MRPL30: variants seen among roughly 807,000 people sequenced by gnomAD.
MRPL30 encodes the protein large ribosomal subunit protein uL30m.
Under a neutral mutation model 17.2 loss-of-function variants are expected in MRPL30, and 10 were observed. That is an observed-to-expected ratio of 0.58 (90% CI 0.36 to 0.99). MRPL30 has a LOEUF of 0.99. Ranked by LOEUF, MRPL30 falls within the 50% of genes least tolerant of loss-of-function variation. The pLI, the probability that MRPL30 is intolerant of heterozygous loss-of-function variation, is 0.01. For synonymous variants in MRPL30, 61 were observed against 62.1 expected, an observed-to-expected ratio of 0.98 and a Z score of 0.08; for missense variants, 170 against 189.8, an observed-to-expected ratio of 0.90 and a Z score of 0.61.
intron 3 of MRPL30, among the ~76,000 whole-genome samples, chr2:99,191,061 T>C (rs957674826): frequency 6.6e-6 from 1 of 151,512 alleles, no homozygotes; most frequent in African/African-American, 2.4e-5. Context: ...GGCTGGAGTG[T>C]GGTGGCGTGG....
At chr2:99,188,039 A>C in intron 2 of MRPL30, 138 bp from the exon 3 acceptor site, 1 of 586,836 alleles carries the variant, frequency 1.7e-6, no homozygotes, top group Non-Finnish European at 3.0e-6. Context: ...GGATGCGTTC[A>C]CTCAGCTAGG....
chr2:99,198,494 C>T lies in MRPL30; in HGVS notation c.*2789C>T, dbSNP rs960902624. Among the ~76,000 whole-genome samples the T allele has an allele frequency of 6.6e-6, 1 of 152,164 alleles. No homozygotes were observed. The highest frequency in any genetic ancestry group is 1.5e-5 in the Non-Finnish European group (1 of 68,040). On this transcript the variant is annotated 3_prime_UTR_variant, in exon 6 of 6. Transcript: ENST00000338148. Reference sequence around the variant, plus strand: ...ATCAAATAAATGCAATCATGTGCCTCGTGTCACCTTTTTTGCATTCCATTC... The same window carrying T: ...ATCAAATAAATGCAATCATGTGCCTTGTGTCACCTTTTTTGCATTCCATTC...
At position 99,197,927 on chromosome 2, in the gene MRPL30, A is replaced by C. The variant is rs1427380446; in HGVS notation, c.*2222A>C. 3.3e-5 allele frequency among the ~76,000 whole-genome samples: 5 copies of C among 152,260 alleles called. No individual in the cohort carries two copies. In the East Asian group the frequency reaches 9.7e-4, roughly 29 times the overall value. On this transcript the variant is annotated 3_prime_UTR_variant, in exon 6 of 6. Transcript: ENST00000338148. ...CCAAAGTGCTGGGAATACAGGTGTG[A>C]GCCACCATACCTGGCCTTACTGTAC...
intron 3 of MRPL30, 143 bp downstream of exon 3, chr2:99,188,400 AT>A: frequency 1.6e-6 from 1 of 642,170 alleles, no homozygotes; most frequent in Non-Finnish European, 2.7e-6. Context: ...GCATAGTGGG[AT>A]TTATGTGAAT....
At chr2:99,181,395 C>G (rs572682374) in intron 1 of MRPL30, 146 bp downstream of exon 1, 11 of 157,386 alleles carry the variant, frequency 7.0e-5, no homozygotes, top group Middle Eastern at 3.2e-3. Context: ...GATCCCGTCA[C>G]ATTGGCTCCC....
rs201869282 is a variant in MRPL30 at position 99,196,085 on chromosome 2, GAAA to G, written c.*389_*391del. 1.1e-5 allele frequency: 2 copies of G among 175,088 alleles called. No individual in the cohort carries two copies. Among genetic ancestry groups the G allele is most frequent in the Non-Finnish European group, 2.4e-5 (2 of 84,256 alleles). 10.8% of individuals were successfully genotyped at this position (175,088 alleles called of 1,614,324 possible). A position where few individuals can be genotyped will look rare whatever the true frequency, so the allele number is the denominator to read the frequency against. ...GATAGGATGAGACTCCATCTCAGGG[GAAA>G]AAAAAAAATTTTTTTTTCACTGACT... is the stretch of plus-strand genomic sequence containing the variant. On this transcript the variant is annotated 3_prime_UTR_variant, in exon 6 of 6. Transcript: ENST00000338148.
At chr2:99,185,078 C>CA (rs2093931794) in intron 1 of MRPL30, among the ~76,000 whole-genome samples, 1 of 152,136 alleles carries the variant, frequency 6.6e-6, no homozygotes. Context: ...CAGAGCAGTC[C>CA]AACATTAGAT....
In MRPL30 at chr2:99,195,925, A is replaced by G. The variant is rs954765854; in HGVS notation, c.*220A>G. Reference sequence around the variant, plus strand: ...GGAGAAACCCCCATCTCTACTGAAAATACAGAATTAGCCAGGCATGGTGGC... The same window carrying G: ...GGAGAAACCCCCATCTCTACTGAAAGTACAGAATTAGCCAGGCATGGTGGC... On this transcript the variant is annotated 3_prime_UTR_variant, in exon 6 of 6. Coordinates refer to ENST00000338148, the MANE Select transcript of MRPL30 (RefSeq NM_145212.4). 2.3e-6 allele frequency: 1 copy of G among 430,542 alleles called. No individual in the cohort carries two copies. Among genetic ancestry groups the G allele is most frequent in the Non-Finnish European group, 4.0e-6 (1 of 248,812 alleles). 26.7% of individuals were successfully genotyped at this position (430,542 alleles called of 1,614,324 possible).
intron 1 of MRPL30, among the ~76,000 whole-genome samples, chr2:99,182,688 T>TA (rs2105239923): frequency 6.6e-6 from 1 of 152,384 alleles, no homozygotes; most frequent in African/African-American, 2.4e-5. Flanking sequence ...AGACTCTGTC[T>TA]CTAAAAACTT....
At chr2:99,192,477 C>T (rs190122936) in intron 3 of MRPL30, among the ~76,000 whole-genome samples, 9 of 152,284 alleles carry the variant, frequency 5.9e-5, no homozygotes, top group Non-Finnish European at 1.2e-4. Context: ...TGAGTGAGAA[C>T]ATGCGGTATT....
chr2:99,188,735 T>G (rs1052967580), intron 3 of MRPL30, among the ~76,000 whole-genome samples: 7 of 152,162 alleles, frequency 4.6e-5, no homozygotes, highest in Non-Finnish European at 1.0e-4. Flanking sequence ...GAGTTTTGCT[T>G]TGTTGCCCAG....
intron 3 of MRPL30, among the ~76,000 whole-genome samples, chr2:99,190,081 T>C (rs920569769): frequency 2.6e-5 from 4 of 152,106 alleles, no homozygotes; most frequent in Non-Finnish European, 5.9e-5. Flanking sequence ...CCTATAATTG[T>C]GCCACTGCAC....
chr2:99,187,058 T>C (rs1444418651), intron 2 of MRPL30: 1 of 152,230 alleles, frequency 6.6e-6, no homozygotes, highest in Non-Finnish European at 1.5e-5. Flanking sequence ...CTCAGATTAA[T>C]CCTGTGAGGT....
Position 99,195,695 on chromosome 2 carries a change from A to G in MRPL30, c.476A>G (p.His159Arg), listed in dbSNP as rs770941810. 12 of 1,612,638 alleles carry G rather than the reference A, an allele frequency of 7.4e-6. No individual in the cohort carries two copies. In the South Asian group the frequency reaches 7.7e-5, roughly 10 times the overall value. ...WHLKPVEQKA[H>R]ES ...CTGAAACCTGTGGAGCAGAAAGCAC[A>G]TGAGTCCTAATGCCCCAGCAGCTTC... Residue 159 changes from histidine (H) to arginine (R), a missense_variant, in exon 6 of 6, where the codon CAT becomes CGT. Coordinates refer to ENST00000338148, the MANE Select transcript of MRPL30 (RefSeq NM_145212.4).
At position 99,186,212 on chromosome 2, in the gene MRPL30, G is replaced by T. The variant is rs769859524; in HGVS notation, c.9G>T (p.Gly3=). 8 of 1,614,086 alleles carry T rather than the reference G, an allele frequency of 5.0e-6. No individual in the cohort carries two copies. ...GAGCAATCACTACACTTATGGCTGG[G>T]ATTTTGCGCTTAGTAGTTCAATGGC... MA[G]ILRLVVQWPP... The change falls in exon 2 of 6, where the codon GGG becomes GGT. Residue 3 remains glycine, a synonymous_variant. Coordinates refer to ENST00000338148, the MANE Select transcript of MRPL30 (RefSeq NM_145212.4).
chr2:99,186,369 G>C (rs2093934114), intron 2 of MRPL30, 115 bp downstream of exon 2: 4 of 939,076 alleles, frequency 4.3e-6, no homozygotes, highest in Non-Finnish European at 6.4e-6. Context: ...GTCTCTCTCT[G>C]TCACCCAGGC....
Position 99,195,805 on chromosome 2 carries a change from C to A in MRPL30, c.*100C>A. Reference sequence around the variant, plus strand: ...TATGTTTTCAAAACCATTTTCAGGCCGGGCACGGTGGCTCACCTGTAATCC... The same window carrying A: ...TATGTTTTCAAAACCATTTTCAGGCAGGGCACGGTGGCTCACCTGTAATCC... On this transcript the variant is annotated 3_prime_UTR_variant, in exon 6 of 6. Transcript: ENST00000338148. 6.4e-7 allele frequency: 1 copy of A among 1,551,076 alleles called. No individual in the cohort carries two copies. The highest frequency in any genetic ancestry group is 8.7e-7 in the Non-Finnish European group (1 of 1,146,884).
At chr2:99,193,939 G>A (rs535701302) in intron 3 of MRPL30, among the ~76,000 whole-genome samples, 83 of 150,874 alleles carry the variant, frequency 5.5e-4, no homozygotes, top group Admixed American at 7.3e-4. Context: ...TCGTGAGGCT[G>A]AAGCAAGAGA....
In MRPL30 at chr2:99,181,213, G is replaced by C; in HGVS notation, c.-64G>C. The C allele has an allele frequency of 1.9e-6, 1 of 518,150 alleles. No homozygotes were observed. Among genetic ancestry groups the C allele is most frequent in the South Asian group, 2.9e-5 (1 of 34,658 alleles). 32.1% of individuals were successfully genotyped at this position (518,150 alleles called of 1,614,324 possible). A position where few individuals can be genotyped will look rare whatever the true frequency, so the allele number is the denominator to read the frequency against. ...TTCTTCCTCTGCTCTGCTTCCCTTC[G>C]GAGGAAAATTTCAGGCTGAAGGTTT... On this transcript the variant is annotated 5_prime_UTR_variant, in exon 1 of 6. Coordinates refer to ENST00000338148, the MANE Select transcript of MRPL30 (RefSeq NM_145212.4).
Sources: allele counts gnomAD v4.1 joint callset (sites outside exome capture counted in the v4.1 genomes callset), GRCh38; gene constraint gnomAD v4.1.1; transcripts MANE v1.5; gene names NCBI Gene and HGNC (gene_info 2026-07-23, HGNC 2026-07-21).